DNAH9: variants seen among roughly 807,000 people sequenced by gnomAD.
DNAH9 encodes dynein axonemal heavy chain 9.
Under a neutral mutation model 471.6 loss-of-function variants are expected in DNAH9, and 345 were observed. That is an observed-to-expected ratio of 0.73 (90% CI 0.67 to 0.80). The LOEUF is 0.80. DNAH9 is among the 30% of genes least tolerant of loss of function. DNAH9 has a pLI of 0.00. For synonymous variants in DNAH9, 2,093 were observed against 2,123.6 expected (o/e 0.99, Z 0.40); for missense variants, 5,407 against 5,609.2 (o/e 0.96, Z 1.15).
At chr17:11,611,502 G>A (rs1326524707) in intron 3 of DNAH9, 148 bp from the exon 4 acceptor site, 19 of 779,588 alleles carry the variant, frequency 2.4e-5, no homozygotes, top group Non-Finnish European at 3.9e-5. Context: ...GCTGGGAACA[G>A]ATGTCCAGGC....
At chr17:11,794,284 G>A (rs1969168613) in intron 42 of DNAH9, among the ~76,000 whole-genome samples, 1 of 151,994 alleles carries the variant, frequency 6.6e-6, no homozygotes, top group Non-Finnish European at 1.5e-5. Flanking sequence ...CACCGAGGTC[G>A]ATCTCCTGAC....
intron 45 of DNAH9, among the ~76,000 whole-genome samples, chr17:11,814,526 T>G (rs1970027399): frequency 6.6e-6 from 1 of 152,240 alleles, no homozygotes. Context: ...TGACTTTCTA[T>G]GTATTCATAT....
chr17:11,955,265 T>A (rs777972844), intron 67 of DNAH9, among the ~76,000 whole-genome samples: 1 of 152,096 alleles, frequency 6.6e-6, no homozygotes, highest in African/African-American at 2.4e-5. Context: ...AATAGCAGAA[T>A]TGAGTAGTGT....
At chr17:11,606,243 G>C (rs1313762058) in intron 1 of DNAH9, among the ~76,000 whole-genome samples, 2 of 151,884 alleles carry the variant, frequency 1.3e-5, no homozygotes, top group East Asian at 1.9e-4. Context: ...TCTATTTCAC[G>C]GCCACTGGGG....
At chr17:11,637,483 A>T (rs563553689) in intron 9 of DNAH9, among the ~76,000 whole-genome samples, 1 of 152,254 alleles carries the variant, frequency 6.6e-6, no homozygotes, top group Non-Finnish European at 1.5e-5. Context: ...CCCTAGTCCT[A>T]GTATCTCAGG....
At chr17:11,771,272 G>T (rs1426108965) in intron 38 of DNAH9, among the ~76,000 whole-genome samples, 1 of 152,076 alleles carries the variant, frequency 6.6e-6, no homozygotes. Flanking sequence ...GGGATTACAG[G>T]CACCTGCCAA....
intron 35 of DNAH9, 66 bp downstream of exon 35, chr17:11,757,758 A>G (rs1967463197): frequency 6.5e-7 from 1 of 1,530,454 alleles, no homozygotes; most frequent in Non-Finnish European, 8.9e-7. Flanking sequence ...GTTCACACCT[A>G]GTGTCCTGCT....
rs1303157436 is a variant in DNAH9 at position 11,871,696 on chromosome 17, G to A, written c.10152G>A (p.Thr3384=). The A allele has an allele frequency of 5.6e-6, 9 of 1,614,174 alleles. No homozygotes were observed. Among genetic ancestry groups the A allele is most frequent in the Non-Finnish European group, 7.6e-6 (9 of 1,180,016 alleles). Residue 3384 remains threonine (T), a synonymous_variant, in exon 52 of 69, where the codon ACG becomes ACA. Coordinates refer to ENST00000262442, the MANE Select transcript of DNAH9 (RefSeq NM_001372.4). ...RTLCGDILLI[T]AFISYLGFFT... The stretch of plus-strand genomic sequence containing the variant: ...TATGTGGAGACATTTTACTTATAAC[G>A]GCTTTCATTTCCTACCTTGGCTTCT...
rs201285229 is a variant in DNAH9 at position 11,719,517 on chromosome 17, G to T, written c.5709+27G>T. On this transcript the variant is annotated intron_variant, in intron 27 of 68. Transcript: ENST00000262442. ...TACAGTTCCACCCGGCTTCCTGGGG[G>T]TGGGGGTGGGGGATAGGAACTCAGG... 5.7e-6 allele frequency: 9 copies of T among 1,590,258 alleles called. No individual in the cohort carries two copies. In the South Asian group the frequency reaches 9.0e-5, roughly 16 times the overall value.
intron 43 of DNAH9, among the ~76,000 whole-genome samples, chr17:11,807,148 C>T (rs1199201971): frequency 6.6e-6 from 1 of 152,020 alleles, no homozygotes. Flanking sequence ...AATAAGAACC[C>T]ACAAACCTTC....
At chr17:11,627,558 C>T (rs895034153) in intron 6 of DNAH9, among the ~76,000 whole-genome samples, 3 of 152,212 alleles carry the variant, frequency 2.0e-5, no homozygotes, top group Non-Finnish European at 4.4e-5. Context: ...TGAATTACTA[C>T]TGAAGTCAAT....
In DNAH9 at chr17:11,608,335, G is replaced by A. The variant is rs771333243; in HGVS notation, c.614+10G>A. On this transcript the variant is annotated intron_variant, in intron 2 of 68. Transcript: ENST00000262442. ...CCAAAAGTGAGACAGTGTAAGTACC[G>A]CCAGCCTGGCCATATGGGCCTCTGA... 8.2e-6 allele frequency: 13 copies of A among 1,584,122 alleles called. No homozygotes were observed. The highest frequency in any genetic ancestry group is 1.7e-4 in the Middle Eastern group (1 of 6,002).
chr17:11,742,334 G>T (rs901434529), intron 30 of DNAH9, 21 bp downstream of exon 30: 1 of 1,613,386 alleles, frequency 6.2e-7, no homozygotes, highest in Non-Finnish European at 8.5e-7. Context: ...TAGGGAGGCT[G>T]TACAACCAAG....
intron 63 of DNAH9, 112 bp downstream of exon 63, chr17:11,930,205 C>T (rs971405555): frequency 5.1e-5 from 47 of 920,212 alleles, no homozygotes; most frequent in Admixed American, 2.7e-4. Flanking sequence ...GGTTGGGCTA[C>T]GGAGCAATGC....
At chr17:11,899,880 G>C (rs903267664) in intron 59 of DNAH9, among the ~76,000 whole-genome samples, 6 of 152,166 alleles carry the variant, frequency 3.9e-5, no homozygotes, top group Admixed American at 2.6e-4. Context: ...CAGGCACCCT[G>C]CTAGGTCTAA....
At chr17:11,710,891 C>T (rs942514450) in intron 26 of DNAH9, among the ~76,000 whole-genome samples, 5 of 152,170 alleles carry the variant, frequency 3.3e-5, no homozygotes, top group Admixed American at 1.3e-4. Context: ...AGACTTATCT[C>T]ACACATCTGG....
At chr17:11,762,770 G>GTTTTTTTGT (rs1967748547) in intron 35 of DNAH9, among the ~76,000 whole-genome samples, 3 of 90,744 alleles carry the variant, frequency 3.3e-5, no homozygotes, top group Non-Finnish European at 6.6e-5. Flanking sequence ...TTTTTTTTTT[G>GTTTTTTTGT]TTTTTTTTTT....
chr17:11,618,966 T>C (rs911692334), intron 5 of DNAH9, among the ~76,000 whole-genome samples: 1 of 152,122 alleles, frequency 6.6e-6, no homozygotes, highest in Non-Finnish European at 1.5e-5. Flanking sequence ...TGGTTGAAAG[T>C]GTAAGAAAAC....
intron 17 of DNAH9, among the ~76,000 whole-genome samples, chr17:11,670,304 A>G (rs1257251057): frequency 6.6e-6 from 1 of 152,212 alleles, no homozygotes; most frequent in Non-Finnish European, 1.5e-5. Flanking sequence ...TAGACCACCC[A>G]GCCCAGCACT....
Sources: allele counts gnomAD v4.1 joint callset (sites outside exome capture counted in the v4.1 genomes callset), GRCh38; gene constraint gnomAD v4.1.1; transcripts MANE v1.5; gene names NCBI Gene and HGNC (gene_info 2026-07-23, HGNC 2026-07-21).